CAMKK1: variants seen among roughly 807,000 people sequenced by gnomAD.
CAMKK1 encodes the protein calcium/calmodulin-dependent protein kinase kinase 1.
CAMKK1 carries 20 observed loss-of-function variants against 63.5 expected under a neutral mutation model. The ratio of observed to expected loss-of-function variants is 0.32; its 90% CI spans 0.22 to 0.46. The LOEUF is 0.46. CAMKK1 is among the 20% of genes least tolerant of loss of function. The probability of loss-of-function intolerance (pLI) is 1.00; values close to 1 mark genes in which losing one functional copy is unlikely to be tolerated. For synonymous variants in CAMKK1, 253 were observed against 269.0 expected (o/e 0.94, Z 0.58); for missense variants, 588 against 658.1 (o/e 0.89, Z 1.17).
Position 3,885,675 on chromosome 17 carries a change from G to T in CAMKK1, c.13C>A (p.Pro5Thr), listed in dbSNP as rs1437070135. 10 of 1,613,086 alleles carry T rather than the reference G, an allele frequency of 6.2e-6. No homozygotes were observed. The East Asian group carries it at 2.0e-4, about 32-fold the overall frequency. MEGGPAVCCQDPRAE... is the reference protein window; with the variant it reads MEGGTAVCCQDPRAE... ...CGAGGATCCTGGCAGCAGACAGCTGGACCCCCCTCCATTGCTTCAGTCAAG... is the reference window on the plus strand; with the variant it reads ...CGAGGATCCTGGCAGCAGACAGCTGTACCCCCCTCCATTGCTTCAGTCAAG... Residue 5 changes from proline (P) to threonine (T), a missense_variant, in exon 2 of 16, where the codon CCA becomes ACA. Transcript: ENST00000348335.
chr17:3,868,363 C>G (rs918985263), intron 14 of CAMKK1, among the ~76,000 whole-genome samples: 5 of 145,996 alleles, frequency 3.4e-5, no homozygotes, highest in African/African-American at 1.4e-4. Flanking sequence ...CTGATTGATA[C>G]GCGGGCGCTG....
rs755977089 is a variant in CAMKK1 at position 3,878,578 on chromosome 17, G to T, written c.796+1768C>A. 2.6e-5 allele frequency among the ~76,000 whole-genome samples: 4 copies of T among 152,126 alleles called. 1 individual carries two copies. In the South Asian group the frequency reaches 8.3e-4, roughly 31 times the overall value. ...TCTAGGCCCTTGGTAGGGATTTTCT[G>T]CAAAGCCCTCCCCTCTGTGTGCCTC... On this transcript the variant is annotated intron_variant, in intron 9 of 15. Coordinates refer to ENST00000348335, the MANE Select transcript of CAMKK1 (RefSeq NM_032294.3).
rs780454284 is a variant in CAMKK1, at chr17:3,884,414, A to T, written c.374T>A (p.Leu125Gln). 3.7e-6 allele frequency: 6 copies of T among 1,613,790 alleles called. No homozygotes were observed. Among genetic ancestry groups the T allele is most frequent in the South Asian group, 1.1e-5 (1 of 91,056 alleles). Reference protein sequence around the residue: ...AISDAEDCVQLNQYKLQSEIG... With the variant: ...AISDAEDCVQQNQYKLQSEIG... ...CTCACTCTGCAGCTTGTACTGGTTC[A>T]GCTGCACGCAGTCCTGTGGGGGAAG... The change falls in exon 3 of 16, where the codon CTG becomes CAG. Residue 125 changes from leucine to glutamine, a missense_variant. By Grantham distance (113) the Leu-to-Gln change is moderately radical. Coordinates refer to ENST00000348335, the MANE Select transcript of CAMKK1 (RefSeq NM_032294.3). This position sits in a 1 kb window ranked among gnomAD's most constrained non-coding sequence, Gnocchi z 4.5.
chr17:3,862,258 T>A lies in CAMKK1; in HGVS notation c.1471A>T (p.Lys491Ter). ...TGGACGCCGGGGAGCTCTGGGCTCT[T>A]GCCCCCTTCACCAAACCCTTCTTTC... ...LVKEGFGEGGKSPELPGVQED... is the reference protein window; with the variant it reads ...LVKEGFGEGG The change falls in exon 16 of 16, where the codon AAG becomes TAG. Residue 491 changes from lysine (K) to a stop codon, truncating the protein, a stop_gained. Coordinates refer to ENST00000348335, the MANE Select transcript of CAMKK1 (RefSeq NM_032294.3). LOFTEE classifies it high-confidence loss of function. The surrounding 1 kb of genome is among the most constrained non-coding windows in gnomAD (Gnocchi z 4.1). 1 of 1,589,830 alleles carries A rather than the reference T, an allele frequency of 6.3e-7. No individual in the cohort carries two copies. Among genetic ancestry groups the A allele is most frequent in the Non-Finnish European group, 8.6e-7 (1 of 1,167,290 alleles).
In CAMKK1 at chr17:3,862,235, G is replaced by C; in HGVS notation, c.1494C>G (p.Val498=). 6.3e-7 allele frequency: 1 copy of C among 1,591,086 alleles called. No individual in the cohort carries two copies. Among genetic ancestry groups the C allele is most frequent in the Non-Finnish European group, 8.6e-7 (1 of 1,168,170 alleles). The change falls in exon 16 of 16, where the codon GTC becomes GTG. Residue 498 remains valine, a synonymous_variant. Coordinates refer to ENST00000348335, the MANE Select transcript of CAMKK1 (RefSeq NM_032294.3). This position sits in a 1 kb window ranked among gnomAD's most constrained non-coding sequence, Gnocchi z 4.1. The stretch of plus-strand genomic sequence containing the variant: ...CTCAGGATGCAGCCTCGTCTTCCTG[G>C]ACGCCGGGGAGCTCTGGGCTCTTGC... The part of the protein sequence containing the change: ...EGGKSPELPG[V]QEDEAAS
chr17:3,880,761 T>C (rs1303502682), intron 8 of CAMKK1, among the ~76,000 whole-genome samples: 1 of 148,960 alleles, frequency 6.7e-6, no homozygotes, highest in African/African-American at 2.5e-5. Flanking sequence ...GATCATGAAA[T>C]CAATTTAGTG....
rs1210390153 is a variant in CAMKK1, at chr17:3,876,421, C to T, written c.798G>A (p.Leu266=). ...CCCTGTGGACGATCTTCTGGCAGTGCACTGCAGAGAAGGGGAGCTTGAGCT... is the reference window on the plus strand; with the variant it reads ...CCCTGTGGACGATCTTCTGGCAGTGTACTGCAGAGAAGGGGAGCTTGAGCT... ...LRDVILGLEY[L]HCQKIVHRDI... The change falls in exon 10 of 16, where the codon TTG becomes TTA. Residue 266 remains leucine, a splice_region_variant and synonymous_variant. Coordinates refer to ENST00000348335, the MANE Select transcript of CAMKK1 (RefSeq NM_032294.3). 6.2e-7 allele frequency: 1 copy of T among 1,613,950 alleles called. No individual in the cohort carries two copies. The highest frequency in any genetic ancestry group is 8.5e-7 in the Non-Finnish European group (1 of 1,179,890).
At chr17:3,875,667 T>C (rs1215766548) in intron 10 of CAMKK1, among the ~76,000 whole-genome samples, 4 of 152,140 alleles carry the variant, frequency 2.6e-5, no homozygotes, top group Non-Finnish European at 5.9e-5. Context: ...TGGCACTCCA[T>C]AGGTGAAACA....
Position 3,882,377 on chromosome 17 carries a change from A to G in CAMKK1, c.685+151T>C. On this transcript the variant is annotated intron_variant, in intron 7 of 15. Transcript: ENST00000348335. The surrounding 1 kb of genome is among the most constrained non-coding windows in gnomAD (Gnocchi z 4.3). ...TGGGCCTGGTTCTGCAGGGCTGGGC[A>G]AGGGAATCCAGGGCTTCAGAACGTG... 2 of 1,609,324 alleles carry G rather than the reference A, an allele frequency of 1.2e-6. No homozygotes were observed. The highest frequency in any genetic ancestry group is 1.7e-6 in the Non-Finnish European group (2 of 1,175,804).
At chr17:3,871,861 G>A (rs527895320) in intron 12 of CAMKK1, among the ~76,000 whole-genome samples, 2 of 151,126 alleles carry the variant, frequency 1.3e-5, no homozygotes, top group East Asian at 3.9e-4. Flanking sequence ...GGCCAGGCTG[G>A]TCTCTAACTC....
At position 3,884,590 on chromosome 17, in the gene CAMKK1, C is replaced by T. The variant is rs1287221115; in HGVS notation, c.361-163G>A. Reference sequence around the variant, plus strand: ...TGGATGGGGAAGTTGGTGGTGCCATCGCCCCCGTATGTGACGAGAAGACGT... The same window carrying T: ...TGGATGGGGAAGTTGGTGGTGCCATTGCCCCCGTATGTGACGAGAAGACGT... On this transcript the variant is annotated intron_variant, in intron 2 of 15. Coordinates refer to ENST00000348335, the MANE Select transcript of CAMKK1 (RefSeq NM_032294.3). The surrounding 1 kb of genome is among the most constrained non-coding windows in gnomAD (Gnocchi z 4.5). Among the ~76,000 whole-genome samples, 2 of 152,212 alleles carry T rather than the reference C, an allele frequency of 1.3e-5. No homozygotes were observed. Among genetic ancestry groups the T allele is most frequent in the African/African-American group, 4.8e-5 (2 of 41,442 alleles).
At chr17:3,863,710 TA>T (rs2054404477) in intron 15 of CAMKK1, among the ~76,000 whole-genome samples, 1 of 151,726 alleles carries the variant, frequency 6.6e-6, no homozygotes, top group Admixed American at 6.6e-5. Context: ...ACTCCATCTC[TA>T]TTTTTTTTTT....
Position 3,885,437 on chromosome 17 carries a change from A to G in CAMKK1, c.251T>C (p.Leu84Pro). ...SLQERPAGSYLEAQAGPYATG... is the reference protein window; with the variant it reads ...SLQERPAGSYPEAQAGPYATG... ...GGCATAAGGCCCAGCCTGCGCCTCC[A>G]GATAGCTTCCTGCTGGCCGCTCCTG... is the stretch of plus-strand genomic sequence containing the variant. Residue 84 changes from leucine to proline, a missense_variant, in exon 2 of 16, where the codon CTG becomes CCG. Leu to Pro is a moderately conservative substitution (Grantham distance 98). This residue lies in a region of CAMKK1 where 357 missense variants were observed against 407.4 expected (regional missense o/e 0.88). Coordinates refer to ENST00000348335, the MANE Select transcript of CAMKK1 (RefSeq NM_032294.3). 1.2e-6 allele frequency: 2 copies of G among 1,613,178 alleles called. No homozygotes were observed. Among genetic ancestry groups the G allele is most frequent in the South Asian group, 2.2e-5 (2 of 91,054 alleles).
Position 3,882,325 on chromosome 17 carries a change from A to G in CAMKK1, c.685+203T>C. ...GGGAAGCAGGGAGTGGGGCTTGGCGATATTTGTTGAATCTAACTGGATATT... is the reference window on the plus strand; with the variant it reads ...GGGAAGCAGGGAGTGGGGCTTGGCGGTATTTGTTGAATCTAACTGGATATT... On this transcript the variant is annotated intron_variant, in intron 7 of 15. Coordinates refer to ENST00000348335, the MANE Select transcript of CAMKK1 (RefSeq NM_032294.3). The surrounding 1 kb of genome is among the most constrained non-coding windows in gnomAD (Gnocchi z 4.3). 3 of 1,614,038 alleles carry G rather than the reference A, an allele frequency of 1.9e-6. No individual in the cohort carries two copies. Among genetic ancestry groups the G allele is most frequent in the East Asian group, 2.2e-5 (1 of 44,882 alleles).
Position 3,873,428 on chromosome 17 carries a change from T to C in CAMKK1, c.1031A>G (p.Tyr344Cys), listed in dbSNP as rs1567621342. 2 of 1,613,930 alleles carry C rather than the reference T, an allele frequency of 1.2e-6. No individual in the cohort carries two copies. Among genetic ancestry groups the C allele is most frequent in the East Asian group, 2.2e-5 (1 of 44,880 alleles). Residue 344 changes from tyrosine to cysteine, a missense_variant, in exon 11 of 16, where the codon TAC (tyrosine) becomes TGC (cysteine). Transcript: ENST00000348335. ...ACTCACCTTCCCATAGACAAAGCAG[T>C]ACAACGTGACGCCAGTGGCCCATAC... Reference protein sequence around the residue: ...LDVWATGVTLYCFVYGKCPFI... With the variant: ...LDVWATGVTLCCFVYGKCPFI...
intron 15 of CAMKK1, among the ~76,000 whole-genome samples, chr17:3,863,946 T>C (rs2054412474): frequency 6.6e-6 from 1 of 151,962 alleles, no homozygotes; most frequent in Admixed American, 6.6e-5. Context: ...ATAATTATTA[T>C]TACTTTTTTT....
At position 3,882,385 on chromosome 17, in the gene CAMKK1, CCAGGG is replaced by C. The variant is rs746253963; in HGVS notation, c.685+138_685+142del. The C allele has an allele frequency of 1.2e-6, 2 of 1,605,222 alleles. No homozygotes were observed. Among genetic ancestry groups the C allele is most frequent in the Admixed American group, 3.3e-5 (2 of 59,956 alleles). On this transcript the variant is annotated intron_variant, in intron 7 of 15. Coordinates refer to ENST00000348335, the MANE Select transcript of CAMKK1 (RefSeq NM_032294.3). This position sits in a 1 kb window ranked among gnomAD's most constrained non-coding sequence, Gnocchi z 4.3. The stretch of plus-strand genomic sequence containing the variant: ...GTTCTGCAGGGCTGGGCAAGGGAAT[CCAGGG>C]CTTCAGAACGTGTGTTTTTCTTCTG...
chr17:3,884,597 G>A lies in CAMKK1; in HGVS notation c.361-170C>T, dbSNP rs561676063. Among the ~76,000 whole-genome samples the A allele has an allele frequency of 6.6e-6, 1 of 152,300 alleles. No individual in the cohort carries two copies. Among genetic ancestry groups the A allele is most frequent in the South Asian group, 2.1e-4 (1 of 4,830 alleles). On this transcript the variant is annotated intron_variant, in intron 2 of 15. Transcript: ENST00000348335. The surrounding 1 kb of genome is among the most constrained non-coding windows in gnomAD (Gnocchi z 4.5). Reference sequence around the variant, plus strand: ...GGAAGTTGGTGGTGCCATCGCCCCCGTATGTGACGAGAAGACGTGGCTCAT... The same window carrying A: ...GGAAGTTGGTGGTGCCATCGCCCCCATATGTGACGAGAAGACGTGGCTCAT...
Position 3,872,558 on chromosome 17 carries a change from C to A in CAMKK1, c.1120G>T (p.Glu374Ter). 1 of 1,613,812 alleles carries A rather than the reference C, an allele frequency of 6.2e-7. No individual in the cohort carries two copies. The highest frequency in any genetic ancestry group is 8.5e-7 in the Non-Finnish European group (1 of 1,179,716). The change falls in exon 12 of 16, where the codon GAG becomes TAG. Residue 374 changes from glutamate to a stop codon, truncating the protein, a stop_gained. Transcript: ENST00000348335. LOFTEE classifies it high-confidence loss of function. ...KIKNEPVVFP[E>*]EPEISEELKD... ...TCCCCTGGGTGGACAACTCACTCCTCAGGAAACACCACGGGCTCATTCTTG... is the reference window on the plus strand; with the variant it reads ...TCCCCTGGGTGGACAACTCACTCCTAAGGAAACACCACGGGCTCATTCTTG...
Sources: gnomAD v4.1 joint callset for allele counts (sites outside exome capture counted in the v4.1 genomes callset) on GRCh38, gnomAD v4.1.1 for gene constraint, gnomAD v4.1.1 regional missense constraint, Gnocchi (gnomAD v3.1) non-coding constraint, MANE v1.5 for transcripts, NCBI Gene and HGNC (gene_info 2026-07-23, HGNC 2026-07-21) for gene names.